RBSN: variants seen among roughly 807,000 people sequenced by gnomAD.
RBSN encodes rabenosyn-5.
A neutral mutation model predicts 60.5 loss-of-function variants in RBSN; 34 were observed. That is an observed-to-expected ratio of 0.56 (90% CI 0.43 to 0.75). The LOEUF (loss-of-function observed/expected upper bound fraction) is 0.75. Ranked by LOEUF, RBSN falls within the 30% of genes least tolerant of loss-of-function variation. The probability of loss-of-function intolerance (pLI) is 0.00; values close to 1 mark genes in which losing one functional copy is unlikely to be tolerated. For synonymous variants in RBSN, 322 were observed against 366.9 expected, an observed-to-expected ratio of 0.88 and a Z score of 1.40; for missense variants, 845 against 986.8, an observed-to-expected ratio of 0.86 and a Z score of 1.92.
Position 15,074,101 on chromosome 3 carries a change from A to C in RBSN, c.2036T>G (p.Phe679Cys), listed in dbSNP as rs1317117626. 6.2e-7 allele frequency: 1 copy of C among 1,613,940 alleles called. No individual in the cohort carries two copies. Among genetic ancestry groups the C allele is most frequent in the Admixed American group, 1.7e-5 (1 of 59,982 alleles). Residue 679 changes from phenylalanine to cysteine, a missense_variant, in exon 14 of 14, where the codon TTC (phenylalanine) becomes TGC (cysteine). Transcript: ENST00000253699. The surrounding 1 kb of genome is among the most constrained non-coding windows in gnomAD (Gnocchi z 6.4). ...AGGAGCTGGGCTGTCTGGCTGAATG[A>C]ATGGATTCCCTGCCACTGCTTCCTC... ...EEEEAVAGNPFIQPDSPAPNP... is the reference protein window; with the variant it reads ...EEEEAVAGNPCIQPDSPAPNP...
chr3:15,086,178 G>A (rs986588198), intron 5 of RBSN: 1 of 492,702 alleles, frequency 2.0e-6, no homozygotes, highest in Non-Finnish European at 3.6e-6. Flanking sequence ...CGGGAAGATG[G>A]CTTGAGCTCA....
rs2043279522 is a variant in RBSN, at chr3:15,084,184, T to C, written c.598+551A>G. ...CCCAGGCTGAAGTGCAGTGGCTCAA[T>C]CTCAGCTCACTGCAGCCTTCACCTC... On this transcript the variant is annotated intron_variant, in intron 8 of 13. Transcript: ENST00000253699. The surrounding 1 kb of genome is among the most constrained non-coding windows in gnomAD (Gnocchi z 4.2). Among the ~76,000 whole-genome samples, 1 of 152,316 alleles carries C rather than the reference T, an allele frequency of 6.6e-6. No homozygotes were observed. Among genetic ancestry groups the C allele is most frequent in the East Asian group, 1.9e-4 (1 of 5,184 alleles).
chr3:15,082,906 C>T lies in RBSN; in HGVS notation c.599-298G>A, dbSNP rs2043242107. Among the ~76,000 whole-genome samples the T allele has an allele frequency of 1.3e-5, 2 of 152,288 alleles. No individual in the cohort carries two copies. The highest frequency in any genetic ancestry group is 4.1e-4 in the South Asian group (2 of 4,828). The stretch of plus-strand genomic sequence containing the variant: ...GGAGACTTTCCTCCACAGCCTTCTC[C>T]CTATTCCCAAACATCTGGCTCCTAC... On this transcript the variant is annotated intron_variant, in intron 8 of 13. Coordinates refer to ENST00000253699, the MANE Select transcript of RBSN (RefSeq NM_022340.4). The surrounding 1 kb of genome is among the most constrained non-coding windows in gnomAD (Gnocchi z 4.2).
intron 5 of RBSN, among the ~76,000 whole-genome samples, chr3:15,087,323 T>G (rs2125173543): frequency 6.6e-6 from 1 of 152,272 alleles, no homozygotes; most frequent in South Asian, 2.1e-4. Context: ...AAGACCAGTC[T>G]GACCAACATG....
intron 6 of RBSN, 119 bp downstream of exon 6, chr3:15,085,742 G>T: frequency 1.2e-6 from 1 of 825,048 alleles, no homozygotes; most frequent in Non-Finnish European, 2.0e-6. Flanking sequence ...TAGAGAAGGT[G>T]TTTCTCTGCC....
intron 2 of RBSN, among the ~76,000 whole-genome samples, chr3:15,097,004 A>G: frequency 6.6e-6 from 1 of 152,058 alleles, no homozygotes; most frequent in Non-Finnish European, 1.5e-5. Context: ...GGACTACAGG[A>G]GTATGCCACC....
rs376095895 is a variant in RBSN at position 15,075,717 on chromosome 3, G to A, written c.1102-7C>T. On this transcript the variant is annotated splice_region_variant and splice_polypyrimidine_tract_variant and intron_variant, in intron 12 of 13. Coordinates refer to ENST00000253699, the MANE Select transcript of RBSN (RefSeq NM_022340.4). ...TCAAACCAAGCAACTTTTCCTGCAGGGAGTGACAGACAATTTTACACTTAA... is the reference window on the plus strand; with the variant it reads ...TCAAACCAAGCAACTTTTCCTGCAGAGAGTGACAGACAATTTTACACTTAA... 5 of 1,612,008 alleles carry A rather than the reference G, an allele frequency of 3.1e-6. No homozygotes were observed. Among genetic ancestry groups the A allele is most frequent in the African/African-American group, 2.7e-5 (2 of 74,946 alleles).
Position 15,073,872 on chromosome 3 carries a change from C to T in RBSN, c.2265G>A (p.Gln755=). The change falls in exon 14 of 14, where the codon CAG becomes CAA. Residue 755 remains glutamine (Q), a synonymous_variant. Coordinates refer to ENST00000253699, the MANE Select transcript of RBSN (RefSeq NM_022340.4). ...CCTCTACCTCATCCAGGCGGCCGCACTGCTTGGCATCAAAGATGTATGCCT... is the reference window on the plus strand; with the variant it reads ...CCTCTACCTCATCCAGGCGGCCGCATTGCTTGGCATCAAAGATGTATGCCT... The part of the protein sequence containing the change: ...NIKAYIFDAK[Q]CGRLDEVEVL... 6.2e-7 allele frequency: 1 copy of T among 1,614,082 alleles called. No homozygotes were observed. Among genetic ancestry groups the T allele is most frequent in the Non-Finnish European group, 8.5e-7 (1 of 1,180,024 alleles).
At position 15,096,045 on chromosome 3, in the gene RBSN, A is replaced by G; in HGVS notation, c.76T>C (p.Phe26Leu). The change falls in exon 4 of 14, where the codon TTC becomes CTC. Residue 26 changes from phenylalanine (F) to leucine (L), a missense_variant. Coordinates refer to ENST00000253699, the MANE Select transcript of RBSN (RefSeq NM_022340.4). ...TCGTAATGTGAGTGAAGCTGATAGAAAGACTGCAGATCCTTCAGGCACAGA... is the reference window on the plus strand; with the variant it reads ...TCGTAATGTGAGTGAAGCTGATAGAGAGACTGCAGATCCTTCAGGCACAGA... ...CPLCLKDLQS[F>L]YQLHSHYEEE... 1 of 1,614,086 alleles carries G rather than the reference A, an allele frequency of 6.2e-7. No individual in the cohort carries two copies.
chr3:15,084,561 C>T lies in RBSN; in HGVS notation c.598+174G>A, dbSNP rs1231348833. Among the ~76,000 whole-genome samples, 1 of 152,186 alleles carries T rather than the reference C, an allele frequency of 6.6e-6. No individual in the cohort carries two copies. Among genetic ancestry groups the T allele is most frequent in the African/African-American group, 2.4e-5 (1 of 41,428 alleles). On this transcript the variant is annotated intron_variant, in intron 8 of 13. Coordinates refer to ENST00000253699, the MANE Select transcript of RBSN (RefSeq NM_022340.4). This position sits in a 1 kb window ranked among gnomAD's most constrained non-coding sequence, Gnocchi z 4.2. ...TGTTATAGACCACTGTATCCCTGGC[C>T]CCTAGCATAGTACCTAGTCTGTAGT...
chr3:15,076,189 G>A (rs1245050617), intron 12 of RBSN, among the ~76,000 whole-genome samples: 1 of 152,066 alleles, frequency 6.6e-6, no homozygotes, highest in African/African-American at 2.4e-5. Context: ...ACACTACCTG[G>A]TACATAGGAG....
rs2042988510 is a variant in RBSN, at chr3:15,074,172, G to A, written c.1965C>T (p.Ala655=). 1 of 1,613,408 alleles carries A rather than the reference G, an allele frequency of 6.2e-7. No individual in the cohort carries two copies. The highest frequency in any genetic ancestry group is 1.3e-5 in the African/African-American group (1 of 74,890). ...PAAGVSLDPS[A]RILKEYNPFE... ...AAGGATTGTACTCTTTCAGGATGCGGGCTGAAGGGTCTAAGGAAACCCCTG... is the reference window on the plus strand; with the variant it reads ...AAGGATTGTACTCTTTCAGGATGCGAGCTGAAGGGTCTAAGGAAACCCCTG... Residue 655 remains alanine, a synonymous_variant, in exon 14 of 14, where the codon GCC becomes GCT. Coordinates refer to ENST00000253699, the MANE Select transcript of RBSN (RefSeq NM_022340.4). This position sits in a 1 kb window ranked among gnomAD's most constrained non-coding sequence, Gnocchi z 6.4.
In RBSN at chr3:15,084,943, G is replaced by C. The variant is rs769826062; in HGVS notation, c.437-47C>G. ...AAGAAAGCAGGCCATTTTAAAGAGA[G>C]CTTTGGTCAGGGAAAAAAAGATAAT... On this transcript the variant is annotated intron_variant, in intron 7 of 13. Coordinates refer to ENST00000253699, the MANE Select transcript of RBSN (RefSeq NM_022340.4). This position sits in a 1 kb window ranked among gnomAD's most constrained non-coding sequence, Gnocchi z 4.2. 2.5e-6 allele frequency: 4 copies of C among 1,613,860 alleles called. No individual in the cohort carries two copies. The highest frequency in any genetic ancestry group is 2.5e-6 in the Non-Finnish European group (3 of 1,179,854).
At position 15,082,253 on chromosome 3, in the gene RBSN, A is replaced by AATATAT; in HGVS notation, c.840+113_840+114insATATAT. 1 of 1,414,878 alleles carries AATATAT rather than the reference A, an allele frequency of 7.1e-7. No individual in the cohort carries two copies. Among genetic ancestry groups the AATATAT allele is most frequent in the Non-Finnish European group, 9.7e-7 (1 of 1,032,984 alleles). The allele number at this position is 1,414,878 out of a possible 1,614,324, so 87.6% of individuals were successfully genotyped here. A position where few individuals can be genotyped will look rare whatever the true frequency, so the allele number is the denominator to read the frequency against. ...ACATGGGCCTTTAACAGGAACTACA[A>AATATAT]ATAATTCAAACGAACAACTTCCCAA... On this transcript the variant is annotated intron_variant, in intron 9 of 13. Transcript: ENST00000253699. This position sits in a 1 kb window ranked among gnomAD's most constrained non-coding sequence, Gnocchi z 4.2.
At chr3:15,086,246 G>C (rs1361243097) in intron 5 of RBSN, 1 of 288,318 alleles carries the variant, frequency 3.5e-6, no homozygotes, top group Non-Finnish European at 6.4e-6. Context: ...CTGGGTGACA[G>C]AGTGAGACCA....
chr3:15,097,119 C>G (rs1037012112), intron 2 of RBSN, among the ~76,000 whole-genome samples: 4 of 152,120 alleles, frequency 2.6e-5, no homozygotes, highest in Admixed American at 6.5e-5. Flanking sequence ...CTGAGCCCCC[C>G]CAAACTGCTG....
intron 4 of RBSN, among the ~76,000 whole-genome samples, chr3:15,092,972 G>GC (rs769102296): frequency 4.6e-5 from 7 of 152,106 alleles, no homozygotes; most frequent in Non-Finnish European, 1.0e-4. Flanking sequence ...CACTAACAAA[G>GC]CAAGAAGCCA....
intron 10 of RBSN, among the ~76,000 whole-genome samples, chr3:15,079,291 TA>T (rs2043143955): frequency 6.6e-6 from 1 of 152,148 alleles, no homozygotes; most frequent in African/African-American, 2.4e-5. Flanking sequence ...GGTAAGGCTA[TA>T]AAGAAAGTGA....
At chr3:15,098,612 T>A (rs2043738504) in intron 1 of RBSN, among the ~76,000 whole-genome samples, 1 of 151,726 alleles carries the variant, frequency 6.6e-6, no homozygotes, top group African/African-American at 2.4e-5. Context: ...ATAACTAACA[T>A]GATTATACAC....
Sources: gnomAD v4.1 joint callset for allele counts (sites outside exome capture counted in the v4.1 genomes callset) on GRCh38, gnomAD v4.1.1 for gene constraint, Gnocchi (gnomAD v3.1) non-coding constraint, MANE v1.5 for transcripts, NCBI Gene and HGNC (gene_info 2026-07-23, HGNC 2026-07-21) for gene names.